Variants in RIPOR2 observed in about 807,000 individuals in gnomAD.
The protein encoded by RIPOR2 is rho family-interacting cell polarization regulator 2.
Under a neutral mutation model 114.5 loss-of-function variants are expected in RIPOR2, and 39 were observed. The ratio of observed to expected loss-of-function variants is 0.34; its 90% CI spans 0.26 to 0.44. The LOEUF is 0.44. Among genes scored for constraint, RIPOR2 ranks in the 20% least tolerant of loss-of-function variants. The probability of loss-of-function intolerance (pLI) is 1.00; values close to 1 mark genes in which losing one functional copy is unlikely to be tolerated. For missense variants in RIPOR2, 1,007 were observed against 1,255.1 expected (o/e 0.80, Z 2.99); for synonymous variants, 445 against 484.4 (o/e 0.92, Z 1.07).
chr6:24,935,205 G>A (rs1360491406), intron 1 of RIPOR2, among the ~76,000 whole-genome samples: 4 of 151,948 alleles, frequency 2.6e-5, no homozygotes, highest in African/African-American at 9.7e-5. Context: ...CTACTTGGGA[G>A]GCTGAGGCAG....
chr6:24,977,655 G>A lies in RIPOR2; in HGVS notation c.76+64196C>T, dbSNP rs574639187. Among the ~76,000 whole-genome samples the A allele has an allele frequency of 9.2e-5, 14 of 152,232 alleles. No individual in the cohort carries two copies. The South Asian group carries it at 2.5e-3, about 27-fold the overall frequency. ...GATGGAAGGAAAAGAGCCAGGTCCC[G>A]TCACTGGCCCATCAGTGATGGGAGG... On this transcript the variant is annotated intron_variant, in intron 1 of 13. Coordinates refer to the RIPOR2 transcript ENST00000510784.
chr6:24,836,069 C>G (rs972407866), intron 14 of RIPOR2, 198 bp from the exon 15 acceptor site: 1 of 569,148 alleles, frequency 1.8e-6, no homozygotes, highest in Non-Finnish European at 3.1e-6. Flanking sequence ...AAAGGACATG[C>G]AAACAAATTG....
At chr6:24,958,249 T>C (rs1773135731) in intron 1 of RIPOR2, among the ~76,000 whole-genome samples, 2 of 152,350 alleles carry the variant, frequency 1.3e-5, no homozygotes, top group South Asian at 2.1e-4. Context: ...TACTAAATAA[T>C]GTTGACATGT....
intron 1 of RIPOR2, among the ~76,000 whole-genome samples, chr6:24,884,168 G>C (rs1766593725): frequency 2.0e-5 from 3 of 152,274 alleles, no homozygotes; most frequent in South Asian, 4.1e-4. Context: ...CAGCACTTTG[G>C]GAGGCTGAGG....
chr6:25,040,478 GT>G (rs1777420159), intron 1 of RIPOR2, among the ~76,000 whole-genome samples: 1 of 152,062 alleles, frequency 6.6e-6, no homozygotes, highest in Non-Finnish European at 1.5e-5. Context: ...GCTACTGGTG[GT>G]CCACAGTTGT....
intron 1 of RIPOR2, among the ~76,000 whole-genome samples, chr6:25,031,733 AT>A (rs1561855784): frequency 0.012 from 1,361 of 109,902 alleles, 73 homozygotes; most frequent in Non-Finnish European, 0.018. Context: ...ATATATATAT[AT>A]ATATATATAT....
Position 24,809,543 on chromosome 6 carries a change from A to G in RIPOR2, c.3043+174T>C, listed in dbSNP as rs9379692. 0.75 allele frequency among the ~76,000 whole-genome samples: 113,462 copies of G among 152,186 alleles called. 44,461 individuals are homozygous for G. The highest frequency in any genetic ancestry group is 0.88 in the East Asian group (4,557 of 5,182). On this transcript the variant is annotated intron_variant, in intron 21 of 21. Coordinates refer to ENST00000643898, the MANE Select transcript of RIPOR2 (RefSeq NM_001286445.3). ...ACAGAACAAGGAGTTGGGGTGAGAT[A>G]GACACTGATCAGTTCTTCGTACTCT...
At chr6:25,040,100 C>T (rs1035642470) in intron 1 of RIPOR2, among the ~76,000 whole-genome samples, 1 of 151,138 alleles carries the variant, frequency 6.6e-6, no homozygotes, top group Non-Finnish European at 1.5e-5. Context: ...GCATAAAGAA[C>T]ACTGTGTGAT....
chr6:24,904,626 A>G (rs916633724), intron 1 of RIPOR2, among the ~76,000 whole-genome samples: 2 of 152,214 alleles, frequency 1.3e-5, no homozygotes, highest in African/African-American at 4.8e-5. Context: ...TTTGCCTACC[A>G]TAGCAGACTT....
chr6:24,872,192 A>AAG, intron 4 of RIPOR2, among the ~76,000 whole-genome samples: 1 of 152,350 alleles, frequency 6.6e-6, no homozygotes, highest in South Asian at 2.1e-4. Flanking sequence ...TCAATCACAC[A>AAG]AGTCCTCACA....
intron 8 of RIPOR2, among the ~76,000 whole-genome samples, chr6:24,857,464 C>T (rs149070953): frequency 1.0e-3 from 159 of 152,232 alleles, no homozygotes; most frequent in African/African-American, 2.6e-3. Context: ...TCCACAGCCT[C>T]GTTTGGAGGG....
At chr6:24,982,829 G>A (rs1245228587) in intron 1 of RIPOR2, among the ~76,000 whole-genome samples, 6 of 152,172 alleles carry the variant, frequency 3.9e-5, no homozygotes, top group Non-Finnish European at 7.4e-5. Context: ...ACAGGAGTAT[G>A]GGATTTCAGT....
intron 1 of RIPOR2, chr6:24,910,824 A>G: frequency 1.0e-6 from 1 of 985,420 alleles, no homozygotes; most frequent in Non-Finnish European, 1.2e-6. Context: ...CTACCTAACG[A>G]CGACGGCTCC....
chr6:24,867,530 C>T (rs962715003), intron 6 of RIPOR2, among the ~76,000 whole-genome samples: 2 of 152,176 alleles, frequency 1.3e-5, no homozygotes, highest in Non-Finnish European at 2.9e-5. Flanking sequence ...GGGAACTGCC[C>T]TTGCAACCCT....
rs187107710 is a variant in RIPOR2, at chr6:24,818,598, T to C, written c.2896A>G (p.Thr966Ala). Residue 966 changes from threonine to alanine, a missense_variant, in exon 20 of 22, where the codon ACA becomes GCA. Transcript: ENST00000643898. ...KALLYYCEAL[T>A]KTNLQLQKAA... ...TTCTGGAGCTGGAGGTTTGTCTTTGTTAGTGCTTCACAGTAATAGAGCAAG... is the reference window on the plus strand; with the variant it reads ...TTCTGGAGCTGGAGGTTTGTCTTTGCTAGTGCTTCACAGTAATAGAGCAAG... The C allele has an allele frequency of 3.2e-6, 5 of 1,550,740 alleles. No homozygotes were observed. In the Admixed American group the frequency reaches 5.9e-5, roughly 18 times the overall value.
Position 24,856,032 on chromosome 6 carries a change from A to G in RIPOR2, c.716-3414T>C, listed in dbSNP as rs183886787. On this transcript the variant is annotated intron_variant, in intron 8 of 21. Coordinates refer to ENST00000643898, the MANE Select transcript of RIPOR2 (RefSeq NM_001286445.3). ...AGCGAGACCCTCGACTCAAAAAACAAAACAAAGCAAAAAACCCAGTAAGTT... is the reference window on the plus strand; with the variant it reads ...AGCGAGACCCTCGACTCAAAAAACAGAACAAAGCAAAAAACCCAGTAAGTT... 6.6e-4 allele frequency among the ~76,000 whole-genome samples: 101 copies of G among 152,324 alleles called. 1 individual carries two copies. Among genetic ancestry groups the G allele is most frequent in the Admixed American group, 5.7e-3 (87 of 15,296 alleles).
chr6:24,955,597 A>ACTTT (rs1772994443), intron 1 of RIPOR2, among the ~76,000 whole-genome samples: 1 of 151,266 alleles, frequency 6.6e-6, no homozygotes, highest in African/African-American at 2.4e-5. Context: ...TGACTCTCTT[A>ACTTT]CTTTCTTCTC....
chr6:24,985,536 AC>A (rs1479950358), intron 1 of RIPOR2, among the ~76,000 whole-genome samples: 1 of 152,208 alleles, frequency 6.6e-6, no homozygotes, highest in Non-Finnish European at 1.5e-5. Flanking sequence ...GCAGTCAGTT[AC>A]CCAGGACATC....
chr6:24,921,190 T>A (rs1386436339), intron 1 of RIPOR2, among the ~76,000 whole-genome samples: 4 of 151,910 alleles, frequency 2.6e-5, no homozygotes, highest in African/African-American at 9.7e-5. Flanking sequence ...GGAGACAGAG[T>A]CTTGCTCTGT....
Sources: gnomAD v4.1 joint callset for allele counts (sites outside exome capture counted in the v4.1 genomes callset) on GRCh38, gnomAD v4.1.1 for gene constraint, MANE v1.5 for transcripts, NCBI Gene and HGNC (gene_info 2026-07-23, HGNC 2026-07-21) for gene names.